Variants in ZNF407 observed in about 807,000 individuals in gnomAD.
The protein encoded by ZNF407 is zinc finger protein 407.
Under a neutral mutation model 131.2 loss-of-function variants are expected in ZNF407, and 17 were observed. The observed-to-expected ratio is 0.13, with a 90% CI of 0.09 to 0.19. The LOEUF (loss-of-function observed/expected upper bound fraction) is 0.19, where lower values mean the gene tolerates loss of function less well. ZNF407 is among the 10% of genes least tolerant of loss of function. The pLI is 1.00. For missense variants in ZNF407, 2,681 were observed against 2,830.6 expected, an observed-to-expected ratio of 0.95 and a Z score of 1.20; for synonymous variants, 1,156 against 1,062.0, an observed-to-expected ratio of 1.09 and a Z score of -1.72.
intron 8 of ZNF407, among the ~76,000 whole-genome samples, chr18:74,928,004 C>T (rs975808136): frequency 1.3e-5 from 2 of 152,072 alleles, no homozygotes. Context: ...AAAAGCCAAA[C>T]TCTGTTGGAT....
Position 74,633,426 on chromosome 18 carries a change from G to A in ZNF407, c.2407G>A (p.Val803Met), listed in dbSNP as rs752018879. ...TGGAAGGATTGAAGGCCATATAGGT[G>A]TGCAATTACAAGAGCATTCCTATCT... ...GNGRIEGHIGVQLQEHSYLEK... is the reference protein window; with the variant it reads ...GNGRIEGHIGMQLQEHSYLEK... The change falls in exon 2 of 9, where the codon GTG (valine) becomes ATG (methionine). Residue 803 changes from valine (V) to methionine (M), a missense_variant. By Grantham distance (21) the Val-to-Met change is conservative. This residue lies in a region of ZNF407 where 1,789 missense variants were observed against 1,748.7 expected (regional missense o/e 1.02). Coordinates refer to ENST00000299687, the MANE Select transcript of ZNF407 (RefSeq NM_017757.3). 6.8e-5 allele frequency: 109 copies of A among 1,613,904 alleles called. No homozygotes were observed. Among genetic ancestry groups the A allele is most frequent in the South Asian group, 2.6e-4 (24 of 91,088 alleles).
intron 3 of ZNF407, among the ~76,000 whole-genome samples, chr18:74,671,308 G>T (rs896440674): frequency 5.3e-5 from 8 of 151,984 alleles, no homozygotes; most frequent in Non-Finnish European, 1.0e-4. Flanking sequence ...TCTGTTGTAC[G>T]GATGGACCAC....
chr18:74,756,816 G>C lies in ZNF407; in HGVS notation c.4803-24612G>C, dbSNP rs191918262. ...TACAGATTTTAAAATTTCTTGTTTA[G>C]TTGTGCTTCACTTGTTTTCTTCTTT... On this transcript the variant is annotated intron_variant, in intron 3 of 8. Transcript: ENST00000299687. Among the ~76,000 whole-genome samples the C allele has an allele frequency of 1.2e-4, 19 of 152,068 alleles. No individual in the cohort carries two copies. The East Asian group carries it at 3.7e-3, about 29-fold the overall frequency.
rs773335741 is a variant in ZNF407, at chr18:74,920,604, C to T, written c.5340C>T (p.Tyr1780=). The T allele has an allele frequency of 2.2e-5, 35 of 1,610,560 alleles. No individual in the cohort carries two copies. Among genetic ancestry groups the T allele is most frequent in the Non-Finnish European group, 2.5e-5 (30 of 1,177,440 alleles). The change falls in exon 8 of 9, where the codon TAC becomes TAT. Residue 1780 remains tyrosine, a synonymous_variant. Transcript: ENST00000299687. ...VKMYNCPKCD[Y]GTNVPVEFRN... ...TGTACAACTGTCCCAAGTGTGACTA[C>T]GGGACCAACGTCCCGGTGGAGTTCC...
intron 8 of ZNF407, among the ~76,000 whole-genome samples, chr18:75,036,594 G>A (rs1265033476): frequency 2.0e-5 from 3 of 152,208 alleles, no homozygotes; most frequent in Non-Finnish European, 4.4e-5. Context: ...TGCAATATGT[G>A]TTATTGACAA....
At position 74,631,198 on chromosome 18, in the gene ZNF407, A is replaced by T. The variant is rs753684840; in HGVS notation, c.179A>T (p.Asp60Val). 9 of 1,614,014 alleles carry T rather than the reference A, an allele frequency of 5.6e-6. No homozygotes were observed. Among genetic ancestry groups the T allele is most frequent in the Non-Finnish European group, 7.6e-6 (9 of 1,179,894 alleles). The change falls in exon 2 of 9, where the codon GAT becomes GTT. Residue 60 changes from aspartate to valine, a missense_variant. By Grantham distance (152) the Asp-to-Val change is radical (BLOSUM62 -3). Around this residue, in one of 6 missense-constraint regions of ZNF407, gnomAD observed 1,789 missense variants for 1,748.7 expected, o/e 1.02. Transcript: ENST00000299687. ...KRGFSESSNSDSVVIGEDRNK... is the reference protein window; with the variant it reads ...KRGFSESSNSVSVVIGEDRNK... ...GGTTTTTCAGAATCATCGAACTCTG[A>T]TAGTGTTGTTATAGGAGAAGACAGA...
At chr18:75,016,146 G>A (rs1973041407) in intron 8 of ZNF407, among the ~76,000 whole-genome samples, 1 of 152,006 alleles carries the variant, frequency 6.6e-6, no homozygotes, top group Non-Finnish European at 1.5e-5. Context: ...ACAAGTATTG[G>A]AAGGCATGTA....
chr18:74,622,458 T>TC (rs989876766), intron 1 of ZNF407, among the ~76,000 whole-genome samples: 1 of 151,572 alleles, frequency 6.6e-6, no homozygotes, highest in African/African-American at 2.4e-5. Context: ...GAGCAGGGAA[T>TC]CCAGTTCTGC....
chr18:74,733,364 T>C (rs1236284030), intron 3 of ZNF407, among the ~76,000 whole-genome samples: 4 of 152,134 alleles, frequency 2.6e-5, no homozygotes, highest in African/African-American at 4.8e-5. Flanking sequence ...CTCAATATTA[T>C]TTTTAAATTT....
intron 8 of ZNF407, among the ~76,000 whole-genome samples, chr18:75,058,744 G>C (rs1973590703): frequency 6.6e-6 from 1 of 152,188 alleles, no homozygotes; most frequent in Non-Finnish European, 1.5e-5. Context: ...TTACTAGAAA[G>C]AGCTCAAAAC....
chr18:74,615,365 T>C (rs962997992), intron 1 of ZNF407, among the ~76,000 whole-genome samples: 1 of 152,072 alleles, frequency 6.6e-6, no homozygotes, highest in African/African-American at 2.4e-5. Context: ...ATTAGCTGCT[T>C]GTGGTGGCGC....
At chr18:74,705,810 CT>C (rs1229177347) in intron 3 of ZNF407, among the ~76,000 whole-genome samples, 6 of 152,058 alleles carry the variant, frequency 3.9e-5, no homozygotes, top group Non-Finnish European at 8.8e-5. Context: ...GAGATGTGAA[CT>C]TTCTTTTGCA....
At chr18:75,030,969 A>G (rs1351369136) in intron 8 of ZNF407, among the ~76,000 whole-genome samples, 1 of 152,192 alleles carries the variant, frequency 6.6e-6, no homozygotes, top group African/African-American at 2.4e-5. Flanking sequence ...TCATTAATAA[A>G]TCCTGTTTAT....
intron 2 of ZNF407, among the ~76,000 whole-genome samples, chr18:74,636,545 A>G (rs555477333): frequency 1.3e-5 from 2 of 152,354 alleles, no homozygotes; most frequent in South Asian, 2.1e-4. Flanking sequence ...TTCAGTGAAC[A>G]TATTTTCATT....
chr18:74,760,678 T>G (rs1969074759), intron 3 of ZNF407, among the ~76,000 whole-genome samples: 1 of 152,164 alleles, frequency 6.6e-6, no homozygotes, highest in Non-Finnish European at 1.5e-5. Context: ...TCAGGGATCT[T>G]CCAGGTAAGT....
chr18:74,819,029 T>C (rs1356628158), intron 4 of ZNF407, among the ~76,000 whole-genome samples: 4 of 152,098 alleles, frequency 2.6e-5, no homozygotes, highest in Admixed American at 6.5e-5. Context: ...GTCTTTTACC[T>C]CCCTGAGAGA....
At chr18:75,059,428 G>A (rs1209754202) in intron 8 of ZNF407, among the ~76,000 whole-genome samples, 3 of 152,084 alleles carry the variant, frequency 2.0e-5, no homozygotes, top group African/African-American at 4.8e-5. Flanking sequence ...AAATTAATGG[G>A]GGAGGGGAAT....
chr18:74,883,499 A>G (rs1971266157), intron 6 of ZNF407, among the ~76,000 whole-genome samples: 1 of 152,218 alleles, frequency 6.6e-6, no homozygotes, highest in African/African-American at 2.4e-5. Flanking sequence ...TGGTGTAAAT[A>G]ATTCCTCACC....
intron 4 of ZNF407, among the ~76,000 whole-genome samples, chr18:74,872,628 G>A (rs1017667304): frequency 5.3e-5 from 8 of 151,842 alleles, no homozygotes; most frequent in Non-Finnish European, 1.2e-4. Flanking sequence ...GTGGTGGTAC[G>A]TGCTTCTAGT....
Sources: gnomAD v4.1 joint callset for allele counts (sites outside exome capture counted in the v4.1 genomes callset) on GRCh38, gnomAD v4.1.1 for gene constraint, gnomAD v4.1.1 regional missense constraint, MANE v1.5 for transcripts, NCBI Gene and HGNC (gene_info 2026-07-23, HGNC 2026-07-21) for gene names.